The following HUWE1 variants were observed in gnomAD, a reference collection of about 807,000 sequenced individuals.
HUWE1 encodes HECT, UBA and WWE domain containing E3 ubiquitin protein ligase 1, also known as E3 ubiquitin-protein ligase HUWE1.
HUWE1 carries 18 observed loss-of-function variants against 299.4 expected under a neutral mutation model. The observed-to-expected ratio is 0.06, with a 90% CI of 0.04 to 0.09. HUWE1 has a LOEUF of 0.09. Ranked by LOEUF, HUWE1 falls within the 10% of genes least tolerant of loss-of-function variation. The pLI is 1.00. For missense variants in HUWE1, 1,832 were observed against 3,462.3 expected (o/e 0.53, Z 11.82); for synonymous variants, 1,317 against 1,286.1 (o/e 1.02, Z -0.51).
chrX:53,632,395 C>T, intron 9 of HUWE1, 92 bp downstream of exon 9: 1 of 661,309 alleles, frequency 1.5e-6, no homozygotes, highest in Non-Finnish European at 2.5e-6. Flanking sequence ...AGCTCAAAAC[C>T]ATTTATTCAT....
chrX:53,566,223 A>G (rs1054043433), intron 49 of HUWE1, among the ~76,000 whole-genome samples: 5 of 101,967 alleles, frequency 4.9e-5, no homozygotes, highest in Non-Finnish European at 9.9e-5. Flanking sequence ...AAAGTAACCA[A>G]GACTCGTCAG....
intron 47 of HUWE1, among the ~76,000 whole-genome samples, chrX:53,572,989 TA>T (rs1199051484): frequency 9.0e-6 from 1 of 111,141 alleles, no homozygotes; most frequent in East Asian, 2.8e-4. Flanking sequence ...CCTTGAGTCT[TA>T]ATTTCCTTTT....
chrX:53,579,508 CGGGAAGGGT>C (rs1215269834), intron 43 of HUWE1, among the ~76,000 whole-genome samples: 1 of 110,860 alleles, frequency 9.0e-6, no homozygotes, highest in East Asian at 2.8e-4. Context: ...AATAGAAAGG[CGGGAAGGGT>C]GGGGAAGAAA....
intron 17 of HUWE1, chrX:53,625,964 T>G: frequency 2.6e-6 from 1 of 385,186 alleles, no homozygotes. Context: ...CTGATGCCCT[T>G]AATTCAACAT....
intron 49 of HUWE1, among the ~76,000 whole-genome samples, chrX:53,566,499 A>G (rs1393053851): frequency 9.1e-6 from 1 of 110,348 alleles, no homozygotes; most frequent in East Asian, 2.8e-4. Flanking sequence ...CCAGCTGAGT[A>G]TCAGAAAGAA....
Position 53,562,114 on chromosome X carries a change from ATCATCTTCC to A in HUWE1, c.7326_7334del (p.Glu2442_Asp2444del), listed in dbSNP as rs781889045. ...CCCAAACGCAGTCCCCCCTCACCTG[ATCATCTTCC>A]TCATCTTCCTCCTCCTCCTCCTCTT... On this transcript the variant is annotated inframe_deletion, in exon 54 of 84. Transcript: ENST00000262854. 8.3e-6 allele frequency: 10 copies of A among 1,205,292 alleles called. No individual in the cohort carries two copies. Among genetic ancestry groups the A allele is most frequent in the East Asian group, 3.0e-5 (1 of 33,673 alleles).
At chrX:53,584,009 G>T in intron 41 of HUWE1, 93 bp from the exon 42 acceptor site, 2 of 845,858 alleles carry the variant, frequency 2.4e-6, no homozygotes, top group South Asian at 4.2e-5. Flanking sequence ...AAGCACTTGG[G>T]TCCTATTAAG....
rs781813869 is a variant in HUWE1, at chrX:53,569,714, T to C, written c.6426A>G (p.Ala2142=). 8 of 1,210,624 alleles carry C rather than the reference T, an allele frequency of 6.6e-6. No individual in the cohort carries two copies. In the Admixed American group the frequency reaches 1.3e-4, roughly 20 times the overall value. ...CCACCTGGGCATCTGTGCCACTCCC[T>C]GCAGCAGCCAGGCTTGCGAGGAACA... is the stretch of plus-strand genomic sequence containing the variant. The part of the protein sequence containing the change: ...ARLFLASLAA[A]GSGTDAQVAL... The change falls in exon 48 of 84, where the codon GCA becomes GCG. Residue 2142 remains alanine (A), a synonymous_variant. Coordinates refer to ENST00000262854, the MANE Select transcript of HUWE1 (RefSeq NM_031407.7).
chrX:53,583,825 T>C lies in HUWE1; in HGVS notation c.5253A>G (p.Thr1751=). The change falls in exon 42 of 84, where the codon ACA becomes ACG. Residue 1751 remains threonine, a synonymous_variant. Transcript: ENST00000262854. ...GGATTAAAACAGTCACCATATCTTC[T>C]GTCAAGCCCTGGATCAGGATCTCCC... is the stretch of plus-strand genomic sequence containing the variant. ...KIGEILIQGL[T]EDMVTVLIRA... is the part of the protein sequence containing the mutation. The C allele has an allele frequency of 2.5e-6, 3 of 1,208,311 alleles. No individual in the cohort carries two copies. Among genetic ancestry groups the C allele is most frequent in the Non-Finnish European group, 2.2e-6 (2 of 893,729 alleles).
chrX:53,630,668 T>C (rs2066818283), intron 12 of HUWE1, among the ~76,000 whole-genome samples: 1 of 104,478 alleles, frequency 9.6e-6, no homozygotes, highest in Non-Finnish European at 2.0e-5. Flanking sequence ...TACAAGCATA[T>C]CTATTAAAAA....
intron 73 of HUWE1, among the ~76,000 whole-genome samples, chrX:53,543,268 A>G (rs2061425417): frequency 9.0e-6 from 1 of 110,870 alleles, no homozygotes. Flanking sequence ...CAGCATACAC[A>G]TGTGATGCCA....
chrX:53,652,014 C>T (rs782046628), intron 4 of HUWE1, among the ~76,000 whole-genome samples: 16 of 111,686 alleles, frequency 1.4e-4, no homozygotes, highest in Non-Finnish European at 2.6e-4. Context: ...AATTTAAAAA[C>T]GGGCAAGGGT....
intron 23 of HUWE1, 43 bp downstream of exon 23, chrX:53,614,491 C>A (rs782367653): frequency 1.0e-6 from 1 of 995,293 alleles, no homozygotes; most frequent in South Asian, 1.9e-5. Flanking sequence ...TGATAACATG[C>A]CCACGATTAT....
intron 23 of HUWE1, among the ~76,000 whole-genome samples, chrX:53,612,132 T>C (rs921779182): frequency 8.9e-6 from 1 of 111,901 alleles, no homozygotes; most frequent in African/African-American, 3.2e-5. Flanking sequence ...GTTAATATAT[T>C]GTGGTTTTCA....
chrX:53,682,250 A>C (rs1307168440), intron 2 of HUWE1, among the ~76,000 whole-genome samples: 2 of 111,851 alleles, frequency 1.8e-5, no homozygotes, highest in African/African-American at 3.3e-5. Flanking sequence ...CTCTAATGTA[A>C]GCACAACTAT....
chrX:53,609,006 C>T (rs2065296084), intron 23 of HUWE1, 97 bp from the exon 24 acceptor site: 1 of 563,990 alleles, frequency 1.8e-6, no homozygotes, highest in African/African-American at 2.3e-5. Flanking sequence ...AGGCCTTTTT[C>T]TATTTATTTA....
At chrX:53,577,789 G>A (rs1376580730) in intron 43 of HUWE1, among the ~76,000 whole-genome samples, 130 of 104,821 alleles carry the variant, frequency 1.2e-3, no homozygotes, top group East Asian at 2.6e-3. Flanking sequence ...CTCCCGAGGC[G>A]CCGGGATTGC....
intron 7 of HUWE1, among the ~76,000 whole-genome samples, chrX:53,642,337 T>C (rs2067656160): frequency 8.9e-6 from 1 of 112,216 alleles, no homozygotes; most frequent in African/African-American, 3.2e-5. Context: ...ATGAAAACTG[T>C]TGCTTTTACT....
intron 28 of HUWE1, among the ~76,000 whole-genome samples, chrX:53,600,828 GTT>G (rs2064787777): frequency 8.9e-6 from 1 of 112,429 alleles, no homozygotes; most frequent in South Asian, 3.6e-4. Context: ...TCACCAAGTT[GTT>G]CTCTTAACAT....
Sources: gnomAD v4.1 joint callset for allele counts (sites outside exome capture counted in the v4.1 genomes callset) on GRCh38, gnomAD v4.1.1 for gene constraint, MANE v1.5 for transcripts, NCBI Gene and HGNC (gene_info 2026-07-23, HGNC 2026-07-21) for gene names.